TNFAIP8: variants seen among roughly 807,000 people sequenced by gnomAD.
TNFAIP8 encodes the protein tumor necrosis factor alpha-induced protein 8.
TNFAIP8 carries 7 observed loss-of-function variants against 13.3 expected under a neutral mutation model. The ratio of observed to expected loss-of-function variants is 0.52; its 90% CI spans 0.30 to 0.99. The LOEUF is 0.99. TNFAIP8 is among the 50% of genes least tolerant of loss of function. The probability of loss-of-function intolerance (pLI) is 0.07; values close to 1 mark genes in which losing one functional copy is unlikely to be tolerated. For synonymous variants in TNFAIP8, 94 were observed against 87.6 expected (o/e 1.07, Z -0.41); for missense variants, 258 against 236.9 (o/e 1.09, Z -0.58).
intron 1 of TNFAIP8, among the ~76,000 whole-genome samples, chr5:119,307,543 G>A (rs72786122): frequency 0.086 from 13,102 of 152,210 alleles, 784 homozygotes; most frequent in African/African-American, 0.17. Flanking sequence ...ATGGATAGAT[G>A]CATATAGTTA....
intron 1 of TNFAIP8, among the ~76,000 whole-genome samples, chr5:119,315,856 A>G (rs78004134): frequency 0.017 from 2,526 of 152,256 alleles, 68 homozygotes; most frequent in African/African-American, 0.057. Context: ...GGGTGTCTTC[A>G]CACACACAGA....
intron 1 of TNFAIP8, among the ~76,000 whole-genome samples, chr5:119,349,241 A>G (rs972237927): frequency 6.6e-6 from 1 of 152,370 alleles, no homozygotes; most frequent in Middle Eastern, 3.4e-3. Flanking sequence ...GGGCCTCCAT[A>G]TAGACACTCT....
intron 1 of TNFAIP8, among the ~76,000 whole-genome samples, chr5:119,341,448 G>C (rs10052962): frequency 0.16 from 24,119 of 152,138 alleles, 3,373 homozygotes; most frequent in African/African-American, 0.38. Flanking sequence ...ACTACATGAG[G>C]TGGGTTCGGT....
rs60633145 is a variant in TNFAIP8 at position 119,348,880 on chromosome 5, C to CAAA, written c.2-43911_2-43909dup. Among the ~76,000 whole-genome samples, 143 of 90,956 alleles carry CAAA rather than the reference C, an allele frequency of 1.6e-3. 5 individuals carry two copies. In the East Asian group the frequency reaches 0.025, roughly 16 times the overall value. The allele number at this position is 90,956 out of a possible 152,430, so 59.7% of individuals were successfully genotyped here. On this transcript the variant is annotated intron_variant, in intron 1 of 1. Transcript: ENST00000274456. The stretch of plus-strand genomic sequence containing the variant: ...AGGCAACCAAAGCAAAACTCCATCT[C>CAAA]AAAAAAAAAAAAAAAAAAAAAAAAA...
chr5:119,309,758 TGCTAGGG>T (rs1749675079), intron 1 of TNFAIP8, among the ~76,000 whole-genome samples: 1 of 152,156 alleles, frequency 6.6e-6, no homozygotes. Context: ...ATCTAGGGGC[TGCTAGGG>T]AGTCTGTGGG....
intron 1 of TNFAIP8, among the ~76,000 whole-genome samples, chr5:119,381,577 A>C (rs1752486072): frequency 6.6e-6 from 1 of 151,976 alleles, no homozygotes; most frequent in African/African-American, 2.4e-5. Context: ...CGGAGTACAG[A>C]GACTATATAC....
Position 119,286,135 on chromosome 5 carries a change from C to T in TNFAIP8, c.1+17228C>T, listed in dbSNP as rs182298709. Among the ~76,000 whole-genome samples, 3 of 152,298 alleles carry T rather than the reference C, an allele frequency of 2.0e-5. No homozygotes were observed. The East Asian group carries it at 5.8e-4, about 29-fold the overall frequency. On this transcript the variant is annotated intron_variant, in intron 1 of 1. Coordinates refer to the TNFAIP8 transcript ENST00000274456. Reference sequence around the variant, plus strand: ...GTTCAGGTTTTGAGGCATTCTAGTACTTCCTTAGAAAAATCTGTGTAAAAA... The same window carrying T: ...GTTCAGGTTTTGAGGCATTCTAGTATTTCCTTAGAAAAATCTGTGTAAAAA...
intron 1 of TNFAIP8, among the ~76,000 whole-genome samples, chr5:119,373,392 A>C (rs1018216639): frequency 1.3e-5 from 2 of 152,258 alleles, no homozygotes; most frequent in Non-Finnish European, 2.9e-5. Flanking sequence ...AATTCTAAAA[A>C]GTCACTTCAA....
chr5:119,273,499 G>A (rs1161235832), intron 1 of TNFAIP8, among the ~76,000 whole-genome samples: 2 of 152,178 alleles, frequency 1.3e-5, no homozygotes, highest in Non-Finnish European at 2.9e-5. Context: ...AAATGTCACC[G>A]CTGCTGCCAA....
rs1031351144 is a variant in TNFAIP8, at chr5:119,366,260, A to G, written c.31+10139A>G. Among the ~76,000 whole-genome samples, 8 of 152,176 alleles carry G rather than the reference A, an allele frequency of 5.3e-5. No homozygotes were observed. In the East Asian group the frequency reaches 1.5e-3, roughly 29 times the overall value. On this transcript the variant is annotated intron_variant, in intron 1 of 1. Coordinates refer to ENST00000504771, the MANE Select transcript of TNFAIP8 (RefSeq NM_014350.4). ...TTTGGCAGCTTGCTTATTTTGTTTG[A>G]TTTTGCAGTTAACAGGAGAGAAAGT...
intron 1 of TNFAIP8, among the ~76,000 whole-genome samples, chr5:119,298,368 C>T (rs1749247429): frequency 6.6e-6 from 1 of 152,046 alleles, no homozygotes; most frequent in African/African-American, 2.4e-5. Context: ...ACTTATGAAG[C>T]TTAGTTGGGC....
At chr5:119,278,844 A>T (rs1748546372) in intron 1 of TNFAIP8, among the ~76,000 whole-genome samples, 1 of 152,178 alleles carries the variant, frequency 6.6e-6, no homozygotes, top group South Asian at 2.1e-4. Context: ...ACTAGCAGTG[A>T]CTTTTTCTTA....
chr5:119,320,463 C>A (rs1205429419), intron 1 of TNFAIP8, among the ~76,000 whole-genome samples: 1 of 152,128 alleles, frequency 6.6e-6, no homozygotes. Flanking sequence ...CTCTCCTGCC[C>A]ATTCTGGCAG....
chr5:119,286,621 C>CAA (rs11302326), intron 1 of TNFAIP8, among the ~76,000 whole-genome samples: 7 of 127,544 alleles, frequency 5.5e-5, no homozygotes, highest in South Asian at 2.6e-4. Flanking sequence ...GACTCCCTCT[C>CAA]AAAAAAAAAA....
chr5:119,291,041 G>T (rs1030077422), intron 1 of TNFAIP8, among the ~76,000 whole-genome samples: 8 of 152,174 alleles, frequency 5.3e-5, no homozygotes. Flanking sequence ...TTTAGCTTTA[G>T]TTTGTGTATG....
At chr5:119,350,038 T>C (rs1457159644) in intron 1 of TNFAIP8, among the ~76,000 whole-genome samples, 2 of 152,234 alleles carry the variant, frequency 1.3e-5, no homozygotes, top group Non-Finnish European at 2.9e-5. Context: ...ATTTCTTTAA[T>C]TACATATCTG....
chr5:119,396,588 T>G lies in TNFAIP8; in HGVS notation c.*3207T>G, dbSNP rs1753078113. 1 of 152,192 alleles carries G rather than the reference T, an allele frequency of 6.6e-6. No individual in the cohort carries two copies. The highest frequency in any genetic ancestry group is 2.4e-5 in the African/African-American group (1 of 41,428). The allele number at this position is 152,192 out of a possible 1,614,324, so 9.4% of individuals were successfully genotyped here. On this transcript the variant is annotated 3_prime_UTR_variant, in exon 2 of 2. Transcript: ENST00000504771. ...AGTAGGCACGGCATCAGTTTCAAAC[T>G]TCAACATTATTTTCCAGATTTGGAG...
intron 1 of TNFAIP8, among the ~76,000 whole-genome samples, chr5:119,302,632 A>C (rs1020042399): frequency 6.6e-6 from 1 of 152,138 alleles, no homozygotes; most frequent in Admixed American, 6.5e-5. Context: ...ACATTTCGTG[A>C]GCTCATCTGG....
intron 1 of TNFAIP8, among the ~76,000 whole-genome samples, chr5:119,325,869 C>T (rs1750210512): frequency 6.6e-6 from 1 of 152,252 alleles, no homozygotes; most frequent in African/African-American, 2.4e-5. Flanking sequence ...AGCACTTGCT[C>T]TTTCTGCTGC....
Sources: gnomAD v4.1 joint callset for allele counts (sites outside exome capture counted in the v4.1 genomes callset) on GRCh38, gnomAD v4.1.1 for gene constraint, MANE v1.5 for transcripts, NCBI Gene and HGNC (gene_info 2026-07-23, HGNC 2026-07-21) for gene names.